The following TRHDE variants were observed in gnomAD, a reference collection of about 807,000 sequenced individuals.
TRHDE encodes thyrotropin releasing hormone degrading enzyme.
Under a neutral mutation model 125.7 loss-of-function variants are expected in TRHDE, and 72 were observed. The observed-to-expected ratio is 0.57, with a 90% CI of 0.47 to 0.70. TRHDE has a LOEUF of 0.70. TRHDE is among the 30% of genes least tolerant of loss of function. TRHDE has a pLI of 0.00. For synonymous variants in TRHDE, 509 were observed against 509.1 expected (o/e 1.00, Z 0.00); for missense variants, 1,110 against 1,327.1 (o/e 0.84, Z 2.54).
At chr12:72,599,555 G>A (rs1305269261) in intron 12 of TRHDE, among the ~76,000 whole-genome samples, 1 of 151,828 alleles carries the variant, frequency 6.6e-6, no homozygotes, top group Non-Finnish European at 1.5e-5. Context: ...TGCCCACTTT[G>A]TAATGAGGTT....
intron 3 of TRHDE, among the ~76,000 whole-genome samples, chr12:72,424,574 C>T (rs1176848955): frequency 6.6e-6 from 1 of 152,096 alleles, no homozygotes; most frequent in Non-Finnish European, 1.5e-5. Flanking sequence ...TTTGTGTTAA[C>T]TTGTTATGCA....
chr12:72,287,832 G>T (rs1879947133), intron 2 of TRHDE, among the ~76,000 whole-genome samples: 1 of 151,844 alleles, frequency 6.6e-6, no homozygotes, highest in Non-Finnish European at 1.5e-5. Flanking sequence ...ATTGCATTAG[G>T]GTAGATTATC....
chr12:72,594,523 T>C (rs943166252), intron 12 of TRHDE, among the ~76,000 whole-genome samples: 1 of 148,866 alleles, frequency 6.7e-6, no homozygotes, highest in African/African-American at 2.5e-5. Flanking sequence ...TTTTTTAATA[T>C]TACTAGGTAT....
intron 12 of TRHDE, among the ~76,000 whole-genome samples, chr12:72,612,620 T>C (rs1006833323): frequency 6.6e-5 from 10 of 152,276 alleles, no homozygotes; most frequent in Non-Finnish European, 1.0e-4. Context: ...AGTACTGATA[T>C]TGATGCTTAG....
chr12:72,245,271 A>G (rs1878555002), intron 2 of TRHDE, among the ~76,000 whole-genome samples: 1 of 138,980 alleles, frequency 7.2e-6, no homozygotes, highest in East Asian at 2.0e-4. Context: ...GTGTGTGTGT[A>G]GAGGGAGAGG....
intron 5 of TRHDE, among the ~76,000 whole-genome samples, chr12:72,494,538 G>T (rs979001840): frequency 6.6e-6 from 1 of 151,754 alleles, no homozygotes; most frequent in Non-Finnish European, 1.5e-5. Flanking sequence ...GCCTTGTATT[G>T]CTCTTCCTTA....
At chr12:72,489,649 T>G (rs746084256) in intron 5 of TRHDE, among the ~76,000 whole-genome samples, 5 of 151,784 alleles carry the variant, frequency 3.3e-5, no homozygotes, top group Admixed American at 6.6e-5. Context: ...ACTAGACACA[T>G]AGACCAGTGG....
intron 15 of TRHDE, among the ~76,000 whole-genome samples, chr12:72,624,486 C>G (rs1407546221): frequency 1.3e-5 from 2 of 151,732 alleles, no homozygotes; most frequent in Non-Finnish European, 2.9e-5. Flanking sequence ...GGGTGTTGTA[C>G]TATTATGCAG....
intron 7 of TRHDE, among the ~76,000 whole-genome samples, chr12:72,547,397 TTGAA>T (rs1565785984): frequency 6.6e-6 from 1 of 151,788 alleles, no homozygotes; most frequent in Non-Finnish European, 1.5e-5. Flanking sequence ...AATTTTCTCT[TTGAA>T]TGAGTTGATT....
intron 2 of TRHDE, among the ~76,000 whole-genome samples, chr12:72,141,894 A>T (rs1319139978): frequency 6.6e-6 from 1 of 152,154 alleles, no homozygotes; most frequent in Non-Finnish European, 1.5e-5. Flanking sequence ...CAATTATCAC[A>T]TTCCTCTTTT....
intron 2 of TRHDE, among the ~76,000 whole-genome samples, chr12:72,214,864 A>ATG (rs1459884794): frequency 6.6e-6 from 1 of 152,182 alleles, no homozygotes; most frequent in East Asian, 1.9e-4. Context: ...TTATATATAT[A>ATG]TTCTCCTGTG....
intron 18 of TRHDE, among the ~76,000 whole-genome samples, chr12:72,658,808 G>A (rs533771921): frequency 1.2e-4 from 18 of 152,322 alleles, no homozygotes; most frequent in Non-Finnish European, 2.2e-4. Flanking sequence ...TAAGTGGCAT[G>A]AGGAATGAAT....
At chr12:72,348,880 T>G (rs748473510) in intron 2 of TRHDE, among the ~76,000 whole-genome samples, 1 of 152,030 alleles carries the variant, frequency 6.6e-6, no homozygotes, top group African/African-American at 2.4e-5. Context: ...GGAAATATTT[T>G]GTTTAGTAGA....
chr12:72,182,698 A>G (rs946927484), intron 2 of TRHDE, among the ~76,000 whole-genome samples: 18 of 152,204 alleles, frequency 1.2e-4, no homozygotes, highest in African/African-American at 4.1e-4. Flanking sequence ...GCCCCAAAAG[A>G]AAGAGAATCA....
chr12:72,665,905 C>T lies in TRHDE; in HGVS notation c.*2710C>T, dbSNP rs1283103774. 1 of 151,968 alleles carries T rather than the reference C, an allele frequency of 6.6e-6. No homozygotes were observed. Among genetic ancestry groups the T allele is most frequent in the Non-Finnish European group, 1.5e-5 (1 of 67,962 alleles). 9.4% of individuals were successfully genotyped at this position (151,968 alleles called of 1,614,324 possible). On this transcript the variant is annotated 3_prime_UTR_variant, in exon 19 of 19. Coordinates refer to ENST00000261180, the MANE Select transcript of TRHDE (RefSeq NM_013381.3). Reference sequence around the variant, plus strand: ...TATAATCTTTGAAGTTTCTAAAATACACAATCTCAACCTCTAAGACTAACA... The same window carrying T: ...TATAATCTTTGAAGTTTCTAAAATATACAATCTCAACCTCTAAGACTAACA...
At chr12:72,620,979 T>C (rs1364950297) in intron 13 of TRHDE, 129 bp from the exon 14 acceptor site, 1 of 509,570 alleles carries the variant, frequency 2.0e-6, no homozygotes, top group Non-Finnish European at 3.5e-6. Flanking sequence ...ATTACTGTAC[T>C]TATAATTTTA....
chr12:72,176,954 G>T (rs539037898), intron 2 of TRHDE, among the ~76,000 whole-genome samples: 4 of 152,018 alleles, frequency 2.6e-5, no homozygotes, highest in Non-Finnish European at 4.4e-5. Context: ...AGTTTTTTTT[G>T]TGTTTTTTTT....
chr12:72,596,359 G>C (rs867984636), intron 12 of TRHDE, among the ~76,000 whole-genome samples: 2 of 152,024 alleles, frequency 1.3e-5, no homozygotes, highest in African/African-American at 4.8e-5. Flanking sequence ...AATACATGTA[G>C]TTCACTCATT....
At chr12:72,363,558 C>T (rs1350744794) in intron 2 of TRHDE, among the ~76,000 whole-genome samples, 6 of 151,956 alleles carry the variant, frequency 3.9e-5, no homozygotes, top group African/African-American at 7.3e-5. Flanking sequence ...AGGCCTTTGA[C>T]GAAATTCAAC....
Sources: gnomAD v4.1 joint callset for allele counts (sites outside exome capture counted in the v4.1 genomes callset) on GRCh38, gnomAD v4.1.1 for gene constraint, MANE v1.5 for transcripts, NCBI Gene and HGNC (gene_info 2026-07-23, HGNC 2026-07-21) for gene names.